TLK1: variants seen among roughly 807,000 people sequenced by gnomAD.
TLK1 encodes tousled like kinase 1.
Under a neutral mutation model 105.3 loss-of-function variants are expected in TLK1, and 24 were observed. That is an observed-to-expected ratio of 0.23 (90% CI 0.17 to 0.32). TLK1 has a LOEUF of 0.32. TLK1 is among the 10% of genes least tolerant of loss of function. The probability of loss-of-function intolerance (pLI) is 1.00; values close to 1 mark genes in which losing one functional copy is unlikely to be tolerated. For missense variants in TLK1, 558 were observed against 910.5 expected (o/e 0.61, Z 4.98); for synonymous variants, 321 against 310.4 (o/e 1.03, Z -0.36).
chr2:171,083,441 A>G lies in TLK1; in HGVS notation c.259-589T>C, dbSNP rs112118298. Among the ~76,000 whole-genome samples, 774 of 152,342 alleles carry G rather than the reference A, an allele frequency of 5.1e-3. 6 individuals carry two copies. Among genetic ancestry groups the G allele is most frequent in the African/African-American group, 0.017 (720 of 41,586 alleles). ...ACAATATTTTTGAACTGTAACAAAG[A>G]AAGAGCTAACATTCTGTAGGATGAT... On this transcript the variant is annotated intron_variant, in intron 2 of 20. Transcript: ENST00000431350.
At chr2:171,014,992 C>T (rs529271704) in intron 12 of TLK1, 44 bp from the exon 13 acceptor site, 35 of 1,417,970 alleles carry the variant, frequency 2.5e-5, no homozygotes, top group South Asian at 3.5e-5. Flanking sequence ...AATTTATTTG[C>T]GATATAAAAA....
chr2:171,169,431 T>C (rs2105301374), intron 1 of TLK1, among the ~76,000 whole-genome samples: 1 of 152,302 alleles, frequency 6.6e-6, no homozygotes, highest in East Asian at 1.9e-4. Flanking sequence ...ATATAAAATG[T>C]GTATAACAAA....
At position 170,993,802 on chromosome 2, in the gene TLK1, G is replaced by A; in HGVS notation, c.2279C>T (p.Ser760Phe). The change falls in exon 21 of 21, where the codon TCT becomes TTT. Residue 760 changes from serine (S) to phenylalanine (F), a missense_variant. By Grantham distance (155) the Ser-to-Phe change is radical (BLOSUM62 -2). This residue lies in a region of TLK1 where 27 missense variants were observed against 22.5 expected (regional missense o/e 1.20). Coordinates refer to ENST00000431350, the MANE Select transcript of TLK1 (RefSeq NM_012290.5). ...AAGTCAGTAAGTAATTATGCTTGAA[G>A]AAGGGGGTGTAGGGGATGCTGTCAG... ...AGLTASPTPPSSSIITY is the reference protein window; with the variant it reads ...AGLTASPTPPFSSIITY 1 of 1,597,170 alleles carries A rather than the reference G, an allele frequency of 6.3e-7. No individual in the cohort carries two copies. Among genetic ancestry groups the A allele is most frequent in the South Asian group, 1.1e-5 (1 of 87,274 alleles).
chr2:171,115,597 CAG>C (rs1690388943), intron 2 of TLK1, among the ~76,000 whole-genome samples: 1 of 152,110 alleles, frequency 6.6e-6, no homozygotes, highest in Non-Finnish European at 1.5e-5. Context: ...AAGAAAATGA[CAG>C]AGGAATACAT....
chr2:171,037,507 A>G (rs1018153141), intron 11 of TLK1, among the ~76,000 whole-genome samples: 2 of 151,748 alleles, frequency 1.3e-5, no homozygotes, highest in Non-Finnish European at 2.9e-5. Flanking sequence ...AAGCAAAAGT[A>G]AAAAGGAAAG....
chr2:171,029,256 C>A (rs966569647), intron 11 of TLK1, among the ~76,000 whole-genome samples: 6 of 152,062 alleles, frequency 3.9e-5, no homozygotes, highest in African/African-American at 1.4e-4. Context: ...AGGAAAAAAA[C>A]AAAGACATTT....
Position 171,080,022 on chromosome 2 carries a change from A to ACT in TLK1, c.330+2758_330+2759insAG, listed in dbSNP as rs199678658. ...GGGGTAAGGGTGGTAGGAGAAAGCAATTTTTTTTAAAAAAAAAGTAATAAA... is the reference window on the plus strand; with the variant it reads ...GGGGTAAGGGTGGTAGGAGAAAGCAACTTTTTTTTTAAAAAAAAAGTAATAAA... On this transcript the variant is annotated intron_variant, in intron 3 of 20. Transcript: ENST00000431350. Among the ~76,000 whole-genome samples the ACT allele has an allele frequency of 4.9e-3, 748 of 152,088 alleles. 6 individuals are homozygous for ACT. Among genetic ancestry groups the ACT allele is most frequent in the African/African-American group, 0.017 (694 of 41,498 alleles).
chr2:171,024,427 T>A (rs899486863), intron 12 of TLK1, among the ~76,000 whole-genome samples: 2 of 152,106 alleles, frequency 1.3e-5, no homozygotes, highest in African/African-American at 2.4e-5. Flanking sequence ...AGAATGTGTA[T>A]GAAAAATAAT....
intron 1 of TLK1, among the ~76,000 whole-genome samples, chr2:171,207,728 A>G (rs934410439): frequency 1.3e-5 from 2 of 152,132 alleles, no homozygotes; most frequent in African/African-American, 4.8e-5. Flanking sequence ...AGACTAGTCA[A>G]TGATACAGGA....
intron 1 of TLK1, among the ~76,000 whole-genome samples, chr2:171,132,740 G>A (rs1229596103): frequency 2.0e-5 from 3 of 152,090 alleles, no homozygotes; most frequent in Non-Finnish European, 4.4e-5. Flanking sequence ...TTAGCTGGGT[G>A]GGGTGATCCC....
At chr2:170,996,139 T>C (rs965027250) in intron 20 of TLK1, among the ~76,000 whole-genome samples, 1 of 151,456 alleles carries the variant, frequency 6.6e-6, no homozygotes, top group South Asian at 2.1e-4. Context: ...ACTGAGACTC[T>C]AGATGTGTGC....
At chr2:171,110,090 GA>G (rs746840713) in intron 2 of TLK1, among the ~76,000 whole-genome samples, 1 of 152,196 alleles carries the variant, frequency 6.6e-6, no homozygotes, top group Non-Finnish European at 1.5e-5. Context: ...CCAAATCTAA[GA>G]GGGGGGAATA....
chr2:171,118,703 T>A (rs1270309047), intron 1 of TLK1, among the ~76,000 whole-genome samples: 1 of 152,126 alleles, frequency 6.6e-6, no homozygotes, highest in Non-Finnish European at 1.5e-5. Context: ...ACCCCAGAAG[T>A]GACATAAATG....
intron 12 of TLK1, among the ~76,000 whole-genome samples, chr2:171,027,876 A>AT (rs1685850630): frequency 6.6e-6 from 1 of 152,186 alleles, no homozygotes; most frequent in Admixed American, 6.6e-5. Flanking sequence ...TAAAAATGTA[A>AT]TTTTGGCCGG....
chr2:171,103,264 T>TTA lies in TLK1; in HGVS notation c.258+14473_258+14474dup, dbSNP rs571890429. Among the ~76,000 whole-genome samples the TTA allele has an allele frequency of 8.4e-3, 1,142 of 136,498 alleles. 27 individuals are homozygous for TTA. The highest frequency in any genetic ancestry group is 0.01 in the Non-Finnish European group (674 of 64,428). 89.5% of individuals were successfully genotyped at this position (136,498 alleles called of 152,430 possible). A position where few individuals can be genotyped will look rare whatever the true frequency, so the allele number is the denominator to read the frequency against. ...GTTAAGAAAAAAATTGATCTCAAAT[T>TTA]TATATATATATATATATAATTTTTT... On this transcript the variant is annotated intron_variant, in intron 2 of 20. Coordinates refer to ENST00000431350, the MANE Select transcript of TLK1 (RefSeq NM_012290.5).
intron 1 of TLK1, among the ~76,000 whole-genome samples, chr2:171,147,042 G>T (rs929948713): frequency 6.6e-6 from 1 of 152,196 alleles, no homozygotes; most frequent in African/African-American, 2.4e-5. Flanking sequence ...GCTTATCTCA[G>T]AAGCTGAAAA....
upstream of TLK1, among the ~76,000 whole-genome samples, chr2:171,163,993 T>C (rs866910813): frequency 5.3e-5 from 8 of 152,220 alleles, no homozygotes; most frequent in Non-Finnish European, 1.5e-5. Flanking sequence ...CTTAAAGTGC[T>C]AGGGTTACAG....
At chr2:171,115,379 T>C (rs1226925818) in intron 2 of TLK1, among the ~76,000 whole-genome samples, 2 of 152,056 alleles carry the variant, frequency 1.3e-5, no homozygotes, top group African/African-American at 4.8e-5. Flanking sequence ...TTTCTCCATG[T>C]TGAGGCTGGT....
chr2:171,081,265 T>C (rs1289423090), intron 3 of TLK1, among the ~76,000 whole-genome samples: 3 of 152,200 alleles, frequency 2.0e-5, no homozygotes, highest in Admixed American at 6.5e-5. Context: ...ATTTGGAATA[T>C]GGGTACCTAT....
Sources: allele counts gnomAD v4.1 joint callset (sites outside exome capture counted in the v4.1 genomes callset), GRCh38; gene constraint gnomAD v4.1.1; regional missense constraint gnomAD v4.1.1; transcripts MANE v1.5; gene names NCBI Gene and HGNC (gene_info 2026-07-23, HGNC 2026-07-21).